The following DRC11L variants were observed in gnomAD, a reference collection of about 807,000 sequenced individuals.
The protein encoded by DRC11L is dynein regulatory complex subunit 11 like, also known as dynein regulatory complex subunit like-11.
At chr7:151,202,486 G>A in the DRC11L span, among the ~76,000 whole-genome samples, 2 of 152,194 alleles carry the variant, frequency 1.3e-5, no homozygotes, top group South Asian at 4.1e-4. Flanking sequence ...TTTGAAAATA[G>A]AGATGTAGAT....
At chr7:151,193,158 G>T in the DRC11L span, 4 of 397,942 alleles carry the variant, frequency 1.0e-5, no homozygotes, top group East Asian at 3.6e-5. Flanking sequence ...TAGCCCGGTT[G>T]GTAGGGAGAC....
the DRC11L span, chr7:151,196,438 G>C: frequency 5.5e-5 from 22 of 399,104 alleles, 1 homozygote; most frequent in African/African-American, 3.9e-4. Flanking sequence ...CCCTGACCCT[G>C]TGCTCACACC....
At chr7:151,200,472 G>GGGACACACA in the DRC11L span, 8 of 399,238 alleles carry the variant, frequency 2.0e-5, no homozygotes, top group Admixed American at 8.8e-5. Flanking sequence ...AGGGATGTAG[G>GGGACACACA]GGACACACAG....
the DRC11L span, chr7:151,197,973 G>C: frequency 7.6e-6 from 3 of 393,842 alleles, no homozygotes; most frequent in Non-Finnish European, 1.3e-5. Context: ...TGGATGGATA[G>C]GTAGACAGAG....
the DRC11L span, chr7:151,194,188 T>C: frequency 1.0e-5 from 4 of 397,346 alleles, no homozygotes; most frequent in East Asian, 1.1e-4. Flanking sequence ...CACCCTACCC[T>C]GACCCCAGCC....
chr7:151,198,839 C>G, the DRC11L span: 2 of 399,130 alleles, frequency 5.0e-6, no homozygotes. Flanking sequence ...CCTTCATTTT[C>G]TCCTTCATGT....
chr7:151,197,813 A>G, the DRC11L span: 3 of 398,828 alleles, frequency 7.5e-6, no homozygotes, highest in East Asian at 3.6e-5. Flanking sequence ...CCCACCTCCA[A>G]CAGGGTACCT....
chr7:151,201,426 ATCCTC>A, the DRC11L span, among the ~76,000 whole-genome samples: 1 of 152,214 alleles, frequency 6.6e-6, no homozygotes, highest in Non-Finnish European at 1.5e-5. The surrounding 1 kb of genome is among the most constrained non-coding windows in gnomAD (Gnocchi z 4.1). Context: ...TTTGGGGTCC[ATCCTC>A]CTTCTTGACT....
At chr7:151,191,700 C>CA in the DRC11L span, 9 of 399,190 alleles carry the variant, frequency 2.3e-5, no homozygotes, top group African/African-American at 1.4e-4. Context: ...CCCAGGAACT[C>CA]AGAGGCCACC....
chr7:151,194,864 G>T, the DRC11L span, among the ~76,000 whole-genome samples: 1 of 152,256 alleles, frequency 6.6e-6, no homozygotes, highest in Non-Finnish European at 1.5e-5. Context: ...GGGCCTCTGT[G>T]ACACTCATTA....
the DRC11L span, chr7:151,191,071 G>A: frequency 1.0e-5 from 4 of 399,222 alleles, no homozygotes; most frequent in Non-Finnish European, 1.8e-5. Context: ...GCCCAGTGGG[G>A]TCTTGAAGTA....
the DRC11L span, chr7:151,192,569 T>G: frequency 2.5e-6 from 1 of 398,204 alleles, no homozygotes. Context: ...CCTAGCGGGA[T>G]GAGGAGGCTG....
the DRC11L span, among the ~76,000 whole-genome samples, chr7:151,202,473 C>A: frequency 4.6e-5 from 7 of 152,098 alleles, no homozygotes; most frequent in African/African-American, 1.4e-4. Context: ...TACTACAAAC[C>A]CTTTTGAAAA....
the DRC11L span, chr7:151,191,907 A>AG: frequency 2.5e-6 from 1 of 399,234 alleles, no homozygotes; most frequent in Non-Finnish European, 4.4e-6. Context: ...TGGGGCCTGG[A>AG]GGGGCAGTGG....
At chr7:151,203,179 A>G in the DRC11L span, 1 of 398,654 alleles carries the variant, frequency 2.5e-6, no homozygotes, top group Non-Finnish European at 4.4e-6. Flanking sequence ...CCAGCCATCA[A>G]AGGATGCACC....
chr7:151,193,886 G>A, the DRC11L span, among the ~76,000 whole-genome samples: 2 of 148,568 alleles, frequency 1.3e-5, no homozygotes, highest in African/African-American at 2.5e-5. Flanking sequence ...CAGCCTGGGC[G>A]ACAGACTGAG....
At chr7:151,200,443 G>C in the DRC11L span, 1 of 399,128 alleles carries the variant, frequency 2.5e-6, no homozygotes. Context: ...TCTGCAGATA[G>C]CCTTTCCACA....
chr7:151,198,938 G>T, the DRC11L span: 2 of 399,166 alleles, frequency 5.0e-6, no homozygotes, highest in East Asian at 7.1e-5. Context: ...GGAGCCTCTG[G>T]ACATCCTCCA....
At chr7:151,192,219 G>A in the DRC11L span, 1 of 398,942 alleles carries the variant, frequency 2.5e-6, no homozygotes, top group Non-Finnish European at 4.4e-6. Context: ...TGGGGTATGG[G>A]GCGGGAGGTG....
Sources: allele counts gnomAD v4.1 joint callset (sites outside exome capture counted in the v4.1 genomes callset), GRCh38; gene constraint gnomAD v4.1.1; non-coding constraint Gnocchi (gnomAD v3.1); transcripts MANE v1.5; gene names NCBI Gene and HGNC (gene_info 2026-07-23, HGNC 2026-07-21).